CAPSL: variants seen among roughly 807,000 people sequenced by gnomAD.
CAPSL encodes calcyphosin-like protein.
In CAPSL, 17 loss-of-function variants were observed where a neutral mutation model predicts 21.3. The ratio of observed to expected loss-of-function variants is 0.80; its 90% confidence interval spans 0.55 to 1.20. CAPSL has a LOEUF of 1.20. CAPSL is among the 50% of genes most tolerant of loss of function. CAPSL has a pLI of 0.00. For missense variants in CAPSL, 289 were observed against 259.3 expected (o/e 1.11, Z -0.79); for synonymous variants, 102 against 89.3 (o/e 1.14, Z -0.80).
At chr5:35,920,646 C>G (rs1380432801) in intron 2 of CAPSL, among the ~76,000 whole-genome samples, 1 of 152,206 alleles carries the variant, frequency 6.6e-6, no homozygotes, top group Non-Finnish European at 1.5e-5. Context: ...CCCTCTTCCA[C>G]CCTGGCCTTT....
At chr5:35,935,837 T>C (rs527584679) in intron 1 of CAPSL, among the ~76,000 whole-genome samples, 2 of 152,254 alleles carry the variant, frequency 1.3e-5, no homozygotes, top group East Asian at 3.9e-4. Context: ...CTGGTACCAG[T>C]GCCTCCCTTC....
chr5:35,904,359 A>G lies in CAPSL; in HGVS notation c.*186T>C. 1 of 602,200 alleles carries G rather than the reference A, an allele frequency of 1.7e-6. No homozygotes were observed. 37.3% of individuals were successfully genotyped at this position (602,200 alleles called of 1,614,324 possible). A position where few individuals can be genotyped will look rare whatever the true frequency, so the allele number is the denominator to read the frequency against. On this transcript the variant is annotated 3_prime_UTR_variant, in exon 5 of 5. Coordinates refer to ENST00000651391, the MANE Select transcript of CAPSL (RefSeq NM_001042625.2). ...AAGGAAACAGTCTTAGGCAAGGCAAACTCACAGTTGGCTACTCAATGTCTT... is the reference window on the plus strand; with the variant it reads ...AAGGAAACAGTCTTAGGCAAGGCAAGCTCACAGTTGGCTACTCAATGTCTT...
intron 1 of CAPSL, among the ~76,000 whole-genome samples, chr5:35,937,353 A>G (rs1738976861): frequency 6.6e-6 from 1 of 152,328 alleles, no homozygotes; most frequent in African/African-American, 2.4e-5. Context: ...GTCTCCAGCC[A>G]TTTCTAGTAA....
At chr5:35,911,453 G>A (rs997580914) in intron 2 of CAPSL, among the ~76,000 whole-genome samples, 11 of 152,144 alleles carry the variant, frequency 7.2e-5, no homozygotes, top group Non-Finnish European at 1.3e-4. Flanking sequence ...AAAATAATAA[G>A]CCCAGTTTAG....
At chr5:35,923,035 AC>A (rs1348630329) in intron 1 of CAPSL, among the ~76,000 whole-genome samples, 1 of 151,904 alleles carries the variant, frequency 6.6e-6, no homozygotes, top group Non-Finnish European at 1.5e-5. Context: ...CATTCTCTAA[AC>A]CCACCTCAGA....
At chr5:35,918,429 A>T (rs1738448380) in intron 2 of CAPSL, among the ~76,000 whole-genome samples, 1 of 152,154 alleles carries the variant, frequency 6.6e-6, no homozygotes, top group Non-Finnish European at 1.5e-5. Context: ...GGACACAAGG[A>T]GGGGAACATC....
At position 35,921,104 on chromosome 5, in the gene CAPSL, C is replaced by G. The variant is rs368551299; in HGVS notation, c.17G>C (p.Arg6Pro). 7 of 1,613,786 alleles carry G rather than the reference C, an allele frequency of 4.3e-6. No individual in the cohort carries two copies. The African/African-American group carries it at 9.3e-5, about 22-fold the overall frequency. Residue 6 changes from arginine (R) to proline (P), a missense_variant, in exon 2 of 5, where the codon CGC (arginine) becomes CCC (proline). Transcript: ENST00000651391. ...CTGGATCGCCATCTCTCGGTCATGG[C>G]GCGCTGTCCCTGCCATCTGAGGGGA... MAGTA[R>P]HDREMAIQAK...
At chr5:35,930,894 A>C (rs148446194) in intron 1 of CAPSL, among the ~76,000 whole-genome samples, 54 of 152,280 alleles carry the variant, frequency 3.5e-4, no homozygotes, top group African/African-American at 1.3e-3. Context: ...GAGCTCTGGA[A>C]TATCTCTCTC....
chr5:35,921,993 G>T (rs998815878), intron 1 of CAPSL, among the ~76,000 whole-genome samples: 1 of 151,664 alleles, frequency 6.6e-6, no homozygotes, highest in South Asian at 2.1e-4. Flanking sequence ...GATTCTGGAA[G>T]TTACCTGTGA....
At chr5:35,906,802 C>T (rs188820639) in intron 4 of CAPSL, among the ~76,000 whole-genome samples, 36 of 152,226 alleles carry the variant, frequency 2.4e-4, no homozygotes, top group Admixed American at 3.9e-4. Flanking sequence ...TGAGTTGGCT[C>T]TGTTGGAGAA....
Position 35,904,524 on chromosome 5 carries a change from C to A in CAPSL, c.*21G>T. 1 of 1,580,356 alleles carries A rather than the reference C, an allele frequency of 6.3e-7. No homozygotes were observed. ...TTGGAGCCACATGGCTGTCCCAGGGCCTGGTCCCCAGGTCATGTGCTTAAA... is the reference window on the plus strand; with the variant it reads ...TTGGAGCCACATGGCTGTCCCAGGGACTGGTCCCCAGGTCATGTGCTTAAA... On this transcript the variant is annotated 3_prime_UTR_variant, in exon 5 of 5. Coordinates refer to ENST00000651391, the MANE Select transcript of CAPSL (RefSeq NM_001042625.2).
chr5:35,909,607 T>C (rs918619333), intron 4 of CAPSL, among the ~76,000 whole-genome samples: 1 of 152,204 alleles, frequency 6.6e-6, no homozygotes, highest in South Asian at 2.1e-4. Flanking sequence ...TCATCACTTA[T>C]GTGGATCCCC....
chr5:35,927,849 C>T (rs188719256), intron 1 of CAPSL, among the ~76,000 whole-genome samples: 139 of 152,280 alleles, frequency 9.1e-4, no homozygotes, highest in African/African-American at 3.1e-3. Context: ...TATTACTACA[C>T]GGTAGATGGC....
In CAPSL at chr5:35,926,873, C is replaced by T. The variant is rs551842021; in HGVS notation, c.1-5753G>A. On this transcript the variant is annotated intron_variant, in intron 1 of 4. Coordinates refer to ENST00000651391, the MANE Select transcript of CAPSL (RefSeq NM_001042625.2). The stretch of plus-strand genomic sequence containing the variant: ...ACTCTCCCTCCTTTGACTTCTCTGA[C>T]CGTACATTCCTGGTTTTCCTTTTTC... 3.3e-5 allele frequency among the ~76,000 whole-genome samples: 5 copies of T among 152,352 alleles called. No individual in the cohort carries two copies. The South Asian group carries it at 8.3e-4, about 25-fold the overall frequency.
At chr5:35,911,244 G>A (rs1738213739) in intron 2 of CAPSL, among the ~76,000 whole-genome samples, 1 of 152,210 alleles carries the variant, frequency 6.6e-6, no homozygotes, top group Admixed American at 6.5e-5. Flanking sequence ...CTCTCTAAGT[G>A]TGGGCTCTAC....
intron 2 of CAPSL, among the ~76,000 whole-genome samples, chr5:35,919,170 A>AAAAATAT (rs754098152): frequency 0.045 from 5,436 of 120,988 alleles, 162 homozygotes; most frequent in South Asian, 0.076. Context: ...TAAAAAAAAA[A>AAAAATAT]ATATATATAT....
chr5:35,917,346 C>T (rs1738417486), intron 2 of CAPSL, among the ~76,000 whole-genome samples: 1 of 152,134 alleles, frequency 6.6e-6, no homozygotes, highest in Non-Finnish European at 1.5e-5. Flanking sequence ...TATCACTTGA[C>T]CCAGCCATCC....
At position 35,921,083 on chromosome 5, in the gene CAPSL, A is replaced by C; in HGVS notation, c.38T>G (p.Ile13Ser). 1 of 1,613,974 alleles carries C rather than the reference A, an allele frequency of 6.2e-7. No homozygotes were observed. Among genetic ancestry groups the C allele is most frequent in the Non-Finnish European group, 8.5e-7 (1 of 1,180,004 alleles). Reference sequence around the variant, plus strand: ...CGTGGTGAGCTTTTTCTTGGCCTGGATCGCCATCTCTCGGTCATGGCGCGC... The same window carrying C: ...CGTGGTGAGCTTTTTCTTGGCCTGGCTCGCCATCTCTCGGTCATGGCGCGC... ...GTARHDREMA[I>S]QAKKKLTTAT... The change falls in exon 2 of 5, where the codon ATC (isoleucine) becomes AGC (serine). Residue 13 changes from isoleucine to serine, a missense_variant. Coordinates refer to ENST00000651391, the MANE Select transcript of CAPSL (RefSeq NM_001042625.2).
chr5:35,928,043 C>T (rs1451796334), intron 1 of CAPSL, among the ~76,000 whole-genome samples: 1 of 152,148 alleles, frequency 6.6e-6, no homozygotes, highest in African/African-American at 2.4e-5. Context: ...ATCAAGGTAT[C>T]AGCTGATTTG....
Sources: gnomAD v4.1 joint callset for allele counts (sites outside exome capture counted in the v4.1 genomes callset) on GRCh38, gnomAD v4.1.1 for gene constraint, MANE v1.5 for transcripts, NCBI Gene and HGNC (gene_info 2026-07-23, HGNC 2026-07-21) for gene names.